CLASP1: variants seen among roughly 807,000 people sequenced by gnomAD.
CLASP1 encodes the protein cytoplasmic linker associated protein 1.
In CLASP1, 38 loss-of-function variants were observed where a neutral mutation model predicts 192.3. The observed-to-expected ratio is 0.20, with a 90% confidence interval of 0.15 to 0.26. The LOEUF (loss-of-function observed/expected upper bound fraction) is 0.26. Ranked by LOEUF, CLASP1 falls within the 10% of genes least tolerant of loss-of-function variation. The pLI, the probability that CLASP1 is intolerant of heterozygous loss-of-function variation, is 1.00. For synonymous variants in CLASP1, 691 were observed against 712.8 expected, an observed-to-expected ratio of 0.97 and a Z score of 0.49; for missense variants, 1,433 against 1,932.5, an observed-to-expected ratio of 0.74 and a Z score of 4.85.
intron 1 of CLASP1, among the ~76,000 whole-genome samples, chr2:121,619,410 C>T (rs1436299838): frequency 6.6e-6 from 1 of 152,102 alleles, no homozygotes; most frequent in Non-Finnish European, 1.5e-5. Context: ...CCTTTCAACA[C>T]TACAGAACAT....
chr2:121,575,192 AC>A (rs2060389385), intron 2 of CLASP1, among the ~76,000 whole-genome samples: 1 of 151,160 alleles, frequency 6.6e-6, no homozygotes, highest in Non-Finnish European at 1.5e-5. Flanking sequence ...GCTCACTGCA[AC>A]CTCCGCCTCC....
chr2:121,572,680 G>A (rs572769924), intron 2 of CLASP1, among the ~76,000 whole-genome samples: 1 of 152,240 alleles, frequency 6.6e-6, no homozygotes, highest in East Asian at 1.9e-4. Context: ...CAGATCACCT[G>A]AGCTCAGAAG....
At chr2:121,510,136 T>G (rs2094079455) in intron 7 of CLASP1, among the ~76,000 whole-genome samples, 1 of 152,050 alleles carries the variant, frequency 6.6e-6, no homozygotes, top group African/African-American at 2.4e-5. Context: ...AGATCTCAAA[T>G]CAATAACCTT....
chr2:121,539,520 A>G (rs187387805), intron 2 of CLASP1, among the ~76,000 whole-genome samples: 44 of 152,362 alleles, frequency 2.9e-4, no homozygotes, highest in Admixed American at 1.0e-3. Flanking sequence ...AACGTGCAGA[A>G]AGCAAAGCAA....
At chr2:121,437,666 C>A (rs1472969161) in intron 19 of CLASP1, among the ~76,000 whole-genome samples, 2 of 152,164 alleles carry the variant, frequency 1.3e-5, no homozygotes, top group South Asian at 2.1e-4. Context: ...TTAAGATGGG[C>A]AAATTTCTCT....
intron 24 of CLASP1, among the ~76,000 whole-genome samples, chr2:121,409,754 C>T (rs1401526672): frequency 6.6e-6 from 1 of 152,190 alleles, no homozygotes; most frequent in Non-Finnish European, 1.5e-5. Context: ...GGACAAACAG[C>T]TTCAGATAAT....
chr2:121,541,821 C>T (rs1346874309), intron 2 of CLASP1, among the ~76,000 whole-genome samples: 2 of 152,152 alleles, frequency 1.3e-5, no homozygotes, highest in East Asian at 1.9e-4. Context: ...ATGAGGCTAA[C>T]GAAGTTTTAA....
chr2:121,377,114 TC>T (rs1030886953), intron 34 of CLASP1, among the ~76,000 whole-genome samples: 2 of 152,236 alleles, frequency 1.3e-5, no homozygotes, highest in Non-Finnish European at 2.9e-5. Context: ...CAAAACCAGT[TC>T]CTGGTGCCAA....
intron 2 of CLASP1, chr2:121,530,958 A>ACCCG (rs1559534561): frequency 1.4e-6 from 1 of 700,350 alleles, no homozygotes; most frequent in African/African-American, 1.7e-5. Flanking sequence ...TGAACAACAC[A>ACCCG]CCCGCATCAA....
intron 2 of CLASP1, among the ~76,000 whole-genome samples, chr2:121,561,628 G>C (rs149538748): frequency 5.4e-4 from 82 of 152,238 alleles, no homozygotes; most frequent in African/African-American, 1.9e-3. Context: ...ATTTCATAAT[G>C]TTTTAACAAA....
At chr2:121,352,166 A>G (rs938492028) in intron 37 of CLASP1, among the ~76,000 whole-genome samples, 7 of 152,226 alleles carry the variant, frequency 4.6e-5, no homozygotes, top group Non-Finnish European at 8.8e-5. Flanking sequence ...AGGAGGAAGG[A>G]GCATGGATAT....
At chr2:121,364,680 T>C (rs1208637359) in intron 36 of CLASP1, 2 of 196,446 alleles carry the variant, frequency 1.0e-5, no homozygotes, top group Non-Finnish European at 2.1e-5. Flanking sequence ...AGATGGAATT[T>C]CATGGAATGT....
chr2:121,622,971 C>A (rs2067636309), intron 1 of CLASP1, among the ~76,000 whole-genome samples: 1 of 152,256 alleles, frequency 6.6e-6, no homozygotes, highest in East Asian at 1.9e-4. Context: ...CACCTATAAT[C>A]CCAGCACTTT....
chr2:121,434,786 T>TA (rs2082029147), intron 19 of CLASP1, among the ~76,000 whole-genome samples: 1 of 152,066 alleles, frequency 6.6e-6, no homozygotes, highest in South Asian at 2.1e-4. Flanking sequence ...GGCTAGGAGT[T>TA]AGAGACCAGC....
chr2:121,469,971 A>T lies in CLASP1; in HGVS notation c.713-11T>A, dbSNP rs369588359. The T allele has an allele frequency of 1.1e-4, 172 of 1,602,574 alleles. No homozygotes were observed. The highest frequency in any genetic ancestry group is 4.7e-5 in the Non-Finnish European group (55 of 1,177,092). ...CGTCGAAATTTTTATCTGAACAGTA[A>T]GCACAGAAACCAACGTTTTTTTAAA... On this transcript the variant is annotated splice_polypyrimidine_tract_variant and intron_variant, in intron 8 of 39. Transcript: ENST00000263710.
chr2:121,431,574 T>A (rs1337302665), intron 19 of CLASP1, among the ~76,000 whole-genome samples: 1 of 152,182 alleles, frequency 6.6e-6, no homozygotes, highest in Non-Finnish European at 1.5e-5. Context: ...ACAACTGAAT[T>A]TAAATTCTTA....
chr2:121,428,877 T>A (rs565628601), intron 20 of CLASP1, among the ~76,000 whole-genome samples: 2 of 152,156 alleles, frequency 1.3e-5, no homozygotes, highest in Non-Finnish European at 1.5e-5. Flanking sequence ...TAAAACCCCA[T>A]GAGGGTGGGA....
chr2:121,618,509 T>G (rs1559786709), intron 1 of CLASP1, among the ~76,000 whole-genome samples: 1 of 152,192 alleles, frequency 6.6e-6, no homozygotes, highest in Admixed American at 6.5e-5. Flanking sequence ...ACTCCTGGGA[T>G]GAAAGGGGAA....
At chr2:121,386,322 C>G (rs1327912907) in intron 32 of CLASP1, among the ~76,000 whole-genome samples, 1 of 152,180 alleles carries the variant, frequency 6.6e-6, no homozygotes, top group Non-Finnish European at 1.5e-5. Flanking sequence ...TGTTAGTGAT[C>G]CCAAAGAGTT....
Sources: allele counts gnomAD v4.1 joint callset (sites outside exome capture counted in the v4.1 genomes callset), GRCh38; gene constraint gnomAD v4.1.1; transcripts MANE v1.5; gene names NCBI Gene and HGNC (gene_info 2026-07-23, HGNC 2026-07-21).